The following HEMK2 variants were observed in gnomAD, a reference collection of about 807,000 sequenced individuals.
The protein encoded by HEMK2 is HemK methyltransferase 2, ETF1 glutamine and histone H4 lysine.
At chr21:28,794,318 C>T in the HEMK2 span, among the ~76,000 whole-genome samples, 4 of 152,194 alleles carry the variant, frequency 2.6e-5, no homozygotes, top group Non-Finnish European at 5.9e-5. Flanking sequence ...GACTAATCAA[C>T]TAAAATTCTT....
At chr21:28,608,919 A>T in the HEMK2 span, among the ~76,000 whole-genome samples, 1 of 152,076 alleles carries the variant, frequency 6.6e-6, no homozygotes. Flanking sequence ...GCCCAAGGAG[A>T]GTCTGACCTC....
the HEMK2 span, among the ~76,000 whole-genome samples, chr21:28,839,839 C>A: frequency 2.6e-5 from 4 of 152,212 alleles, no homozygotes; most frequent in East Asian, 3.9e-4. Flanking sequence ...AATACCACCA[C>A]CATTCTTCAC....
chr21:28,847,965 G>A, the HEMK2 span, among the ~76,000 whole-genome samples: 2 of 152,182 alleles, frequency 1.3e-5, no homozygotes, highest in Non-Finnish European at 2.9e-5. Context: ...TCTCTAACCT[G>A]TTCCATTGGT....
At chr21:28,670,132 C>T in the HEMK2 span, among the ~76,000 whole-genome samples, 1 of 151,912 alleles carries the variant, frequency 6.6e-6, no homozygotes, top group African/African-American at 2.4e-5. Flanking sequence ...CAGAATCCAG[C>T]AATCCTGGTG....
chr21:28,617,788 GCC>G, the HEMK2 span, among the ~76,000 whole-genome samples: 590 of 71,276 alleles, frequency 8.3e-3, 2 homozygotes, highest in Admixed American at 0.023. Flanking sequence ...ATTCTTGACT[GCC>G]TTTTTTTTTT....
chr21:28,789,748 C>T, the HEMK2 span, among the ~76,000 whole-genome samples: 5 of 152,152 alleles, frequency 3.3e-5, no homozygotes, highest in African/African-American at 1.2e-4. Context: ...CAGCCTCTAA[C>T]GGGCAGGTCT....
the HEMK2 span, among the ~76,000 whole-genome samples, chr21:28,723,786 AT>A: frequency 6.6e-6 from 1 of 152,180 alleles, no homozygotes; most frequent in Non-Finnish European, 1.5e-5. Context: ...CCCAAAAATG[AT>A]TTTTTAAAAT....
chr21:28,594,563 CT>C, the HEMK2 span, among the ~76,000 whole-genome samples: 129 of 152,196 alleles, frequency 8.5e-4, no homozygotes, highest in Admixed American at 2.4e-3. Context: ...GCAATACTGC[CT>C]TTTTTATATA....
the HEMK2 span, among the ~76,000 whole-genome samples, chr21:28,810,332 CTG>C: frequency 2.2e-4 from 34 of 152,116 alleles, no homozygotes; most frequent in South Asian, 1.2e-3. Flanking sequence ...ACTTACAAAA[CTG>C]TTAAAAAGAC....
the HEMK2 span, among the ~76,000 whole-genome samples, chr21:28,598,135 A>C: frequency 6.6e-6 from 1 of 152,162 alleles, no homozygotes; most frequent in East Asian, 1.9e-4. Context: ...GGGTTGCTCA[A>C]ACTGAACACT....
chr21:28,868,812 G>A, the HEMK2 span, among the ~76,000 whole-genome samples: 87 of 152,268 alleles, frequency 5.7e-4, no homozygotes, highest in Non-Finnish European at 9.7e-4. Context: ...GGGGACTAAC[G>A]CATAGAAATA....
At chr21:28,664,935 T>C in the HEMK2 span, among the ~76,000 whole-genome samples, 56 of 152,142 alleles carry the variant, frequency 3.7e-4, no homozygotes, top group Admixed American at 1.3e-4. Flanking sequence ...CCTAAGCTTT[T>C]CAATTCAACA....
the HEMK2 span, among the ~76,000 whole-genome samples, chr21:28,650,091 G>A: frequency 2.0e-5 from 3 of 152,036 alleles, no homozygotes; most frequent in African/African-American, 4.8e-5. Flanking sequence ...AAAGAGGCAG[G>A]GAGTTCAGAC....
chr21:28,749,676 T>C, the HEMK2 span, among the ~76,000 whole-genome samples: 29,468 of 152,202 alleles, frequency 0.19, 3,567 homozygotes, highest in African/African-American at 0.34. Context: ...TGTTTTAACA[T>C]GGTCTTTGCT....
the HEMK2 span, among the ~76,000 whole-genome samples, chr21:28,621,483 G>A: frequency 1.1e-4 from 16 of 152,238 alleles, no homozygotes; most frequent in East Asian, 9.7e-4. Flanking sequence ...TCACGCGTCC[G>A]TGTGAAGAGA....
the HEMK2 span, among the ~76,000 whole-genome samples, chr21:28,700,347 T>C: frequency 3.3e-5 from 5 of 152,160 alleles, no homozygotes; most frequent in African/African-American, 4.8e-5. Context: ...CAAAATATTT[T>C]GCTTTCTCAA....
the HEMK2 span, among the ~76,000 whole-genome samples, chr21:28,869,646 C>T: frequency 1.3e-5 from 2 of 152,188 alleles, no homozygotes; most frequent in African/African-American, 2.4e-5. Context: ...TCCATATCCA[C>T]GCTGACTTAG....
At chr21:28,609,581 A>C in the HEMK2 span, among the ~76,000 whole-genome samples, 3,135 of 150,986 alleles carry the variant, frequency 0.021, 147 homozygotes, top group African/African-American at 0.073. Flanking sequence ...AAAAAAAAAA[A>C]AACAACAGAA....
At chr21:28,739,175 T>C in the HEMK2 span, among the ~76,000 whole-genome samples, 1 of 152,202 alleles carries the variant, frequency 6.6e-6, no homozygotes, top group Non-Finnish European at 1.5e-5. Context: ...TGACCCCATT[T>C]GATGACCTGA....
Sources: allele counts gnomAD v4.1 joint callset (sites outside exome capture counted in the v4.1 genomes callset), GRCh38; gene constraint gnomAD v4.1.1; transcripts MANE v1.5; gene names NCBI Gene and HGNC (gene_info 2026-07-23, HGNC 2026-07-21).